The following SUN1 variants were observed in gnomAD, a reference collection of about 807,000 sequenced individuals.
SUN1 encodes Sad1 and UNC84 domain containing 1, also known as SUN domain-containing protein 1.
A neutral mutation model predicts 103.2 loss-of-function variants in SUN1; 61 were observed. The observed-to-expected ratio is 0.59, with a 90% CI of 0.48 to 0.73. The LOEUF (loss-of-function observed/expected upper bound fraction) is 0.73. SUN1 is among the 30% of genes least tolerant of loss of function. SUN1 has a pLI of 0.00. For synonymous variants in SUN1, 490 were observed against 425.7 expected (o/e 1.15, Z -1.86); for missense variants, 1,052 against 1,034.6 (o/e 1.02, Z -0.23).
rs900883627 is a variant in SUN1, at chr7:849,767, C to G, written c.659-1617C>G. ...GCTGCTTAAGCCCTCATCACAGAAGCTCATAGCCACCAGATCGCATTTGCT... is the reference window on the plus strand; with the variant it reads ...GCTGCTTAAGCCCTCATCACAGAAGGTCATAGCCACCAGATCGCATTTGCT... On this transcript the variant is annotated intron_variant, in intron 5 of 18. Coordinates refer to ENST00000401592, the MANE Select transcript of SUN1 (RefSeq NM_001130965.3). 16 of 1,094,308 alleles carry G rather than the reference C, an allele frequency of 1.5e-5. No homozygotes were observed. The Admixed American group carries it at 2.9e-4, about 20-fold the overall frequency. The allele number at this position is 1,094,308 out of a possible 1,614,324, so 67.8% of individuals were successfully genotyped here. A position where few individuals can be genotyped will look rare whatever the true frequency, so the allele number is the denominator to read the frequency against.
At position 864,554 on chromosome 7, in the gene SUN1, C is replaced by CAAAA. The variant is rs551547626; in HGVS notation, c.1865-1382_1865-1379dup. Among the ~76,000 whole-genome samples the CAAAA allele has an allele frequency of 6.3e-5, 6 of 95,192 alleles. No individual in the cohort carries two copies. In the East Asian group the frequency reaches 1.8e-3, roughly 28 times the overall value. 62.4% of individuals were successfully genotyped at this position (95,192 alleles called of 152,430 possible). ...GGGCAACAAGAGCAAAACTTTATCT[C>CAAAA]AAAAAAAAAAAAAAAAAAAGCACAA... On this transcript the variant is annotated intron_variant, in intron 15 of 18. Coordinates refer to ENST00000401592, the MANE Select transcript of SUN1 (RefSeq NM_001130965.3).
chr7:845,070 G>C (rs566617013), intron 5 of SUN1, among the ~76,000 whole-genome samples: 5 of 152,306 alleles, frequency 3.3e-5, no homozygotes, highest in African/African-American at 1.2e-4. Context: ...CTCTACTATG[G>C]CAGAATAAGG....
At chr7:824,630 TAAG>T (rs1040242109) in intron 1 of SUN1, among the ~76,000 whole-genome samples, 1 of 152,164 alleles carries the variant, frequency 6.6e-6, no homozygotes, top group Non-Finnish European at 1.5e-5. Flanking sequence ...GCCCTTATGG[TAAG>T]GAGATGTGTG....
intron 1 of SUN1, among the ~76,000 whole-genome samples, chr7:817,678 A>G (rs889581728): frequency 6.6e-6 from 1 of 152,114 alleles, no homozygotes; most frequent in Non-Finnish European, 1.5e-5. Flanking sequence ...TTTTGTGTGT[A>G]ATCTGTTTTT....
intron 1 of SUN1, among the ~76,000 whole-genome samples, chr7:827,273 G>A (rs573823046): frequency 4.2e-4 from 64 of 152,130 alleles, no homozygotes; most frequent in Middle Eastern, 3.4e-3. Flanking sequence ...CCTCCTGCCC[G>A]CCTTGGCCTC....
intron 5 of SUN1, 74 bp downstream of exon 5, chr7:843,594 G>C: frequency 6.2e-7 from 1 of 1,612,672 alleles, no homozygotes; most frequent in South Asian, 1.1e-5. Flanking sequence ...GTAAGTCTCA[G>C]TGTCTGCACT....
In SUN1 at chr7:874,713, G is replaced by A. The variant is rs1303948223; in HGVS notation, c.*1382G>A. 6.6e-6 allele frequency: 1 copy of A among 152,148 alleles called. No homozygotes were observed. The highest frequency in any genetic ancestry group is 1.5e-5 in the Non-Finnish European group (1 of 68,022). The allele number at this position is 152,148 out of a possible 1,614,324, so 9.4% of individuals were successfully genotyped here. On this transcript the variant is annotated 3_prime_UTR_variant, in exon 19 of 19. Transcript: ENST00000401592. ...AAATCAAAATTTCCTATATAAAACT[G>A]ATTTGGGATTTGGGGTGGAAATATT... is the stretch of plus-strand genomic sequence containing the variant.
chr7:870,830 A>C (rs555962329), intron 17 of SUN1, among the ~76,000 whole-genome samples: 1 of 151,014 alleles, frequency 6.6e-6, no homozygotes, highest in South Asian at 2.1e-4. Flanking sequence ...GGGCAGCAGC[A>C]TGTTGTACGG....
intron 1 of SUN1, among the ~76,000 whole-genome samples, chr7:825,145 A>G (rs183890962): frequency 0.012 from 1,783 of 150,746 alleles, 31 homozygotes; most frequent in African/African-American, 0.041. Flanking sequence ...TGCAAGCTCC[A>G]CCTCCCGGGT....
In SUN1 at chr7:850,120, T is replaced by G; in HGVS notation, c.659-1264T>G. On this transcript the variant is annotated intron_variant, in intron 5 of 18. Transcript: ENST00000401592. ...TGGTTTGTGCTTGGAATTCAAGTGC[T>G]TTAAAGTCTTGCTGTAAAAACTGAC... is the stretch of plus-strand genomic sequence containing the variant. 4.8e-6 allele frequency: 6 copies of G among 1,251,990 alleles called. No individual in the cohort carries two copies. In the South Asian group the frequency reaches 8.1e-5, roughly 17 times the overall value. The allele number at this position is 1,251,990 out of a possible 1,614,324, so 77.6% of individuals were successfully genotyped here.
intron 15 of SUN1, among the ~76,000 whole-genome samples, chr7:864,236 T>C (rs1459428149): frequency 1.3e-5 from 2 of 152,002 alleles, no homozygotes; most frequent in Non-Finnish European, 2.9e-5. Context: ...CAAACAAAAA[T>C]ACTCTAAGTT....
Position 838,902 on chromosome 7 carries a change from C to T in SUN1, c.182C>T (p.Thr61Ile). 6.2e-7 allele frequency: 1 copy of T among 1,611,324 alleles called. No individual in the cohort carries two copies. The highest frequency in any genetic ancestry group is 8.5e-7 in the Non-Finnish European group (1 of 1,179,188). Residue 61 changes from threonine to isoleucine, a missense_variant, in exon 2 of 19, where the codon ACA becomes ATA. Physicochemically the swap from Thr to Ile is moderately conservative, Grantham distance 89. Coordinates refer to ENST00000401592, the MANE Select transcript of SUN1 (RefSeq NM_001130965.3). ...CGCCGTAGTTTGCGCCTGGCCACGA[C>T]AGCATGCACCCTGGGGGATGGTGAG... is the stretch of plus-strand genomic sequence containing the variant. The part of the protein sequence containing the change: ...MSRRSLRLAT[T>I]ACTLGDGEAV...
chr7:850,132 C>A, intron 5 of SUN1: 2 of 1,088,098 alleles, frequency 1.8e-6, no homozygotes, highest in Non-Finnish European at 1.3e-6. Context: ...TAAAGTCTTG[C>A]TGTAAAAACT....
At chr7:853,249 A>G in intron 9 of SUN1, 160 bp from the exon 10 acceptor site, 1 of 851,936 alleles carries the variant, frequency 1.2e-6, no homozygotes, top group Admixed American at 2.6e-5. Context: ...CAGCCATGTA[A>G]GGATCAAACC....
intron 13 of SUN1, 81 bp from the exon 14 acceptor site, chr7:860,047 A>C: frequency 6.6e-7 from 1 of 1,513,598 alleles, no homozygotes; most frequent in Non-Finnish European, 8.9e-7. Context: ...AATTCTTCTG[A>C]GGTATCTAAG....
intron 12 of SUN1, 112 bp downstream of exon 12, chr7:856,513 AC>A: frequency 8.3e-7 from 1 of 1,211,294 alleles, no homozygotes; most frequent in Non-Finnish European, 1.2e-6. Flanking sequence ...CCCGAGGGTC[AC>A]CTGAAGGCCC....
intron 3 of SUN1, 56 bp from the exon 4 acceptor site, chr7:843,150 T>A: frequency 6.3e-7 from 1 of 1,597,676 alleles, no homozygotes; most frequent in African/African-American, 1.4e-5. Context: ...TTGTTCTTAT[T>A]TGATAAGCTG....
At chr7:826,624 G>A (rs1487383683) in intron 1 of SUN1, among the ~76,000 whole-genome samples, 3 of 152,174 alleles carry the variant, frequency 2.0e-5, no homozygotes, top group Admixed American at 2.0e-4. Flanking sequence ...TGAGTCGTAG[G>A]TGTGACTGTT....
At chr7:830,421 A>T (rs4719494), upstream of SUN1, among the ~76,000 whole-genome samples, 146,342 of 152,374 alleles carry the variant, frequency 0.96, 70,342 homozygotes, top group East Asian at 1. Context: ...GAACCCTGTT[A>T]CCTCGTTTCA....
Sources: gnomAD v4.1 joint callset for allele counts (sites outside exome capture counted in the v4.1 genomes callset) on GRCh38, gnomAD v4.1.1 for gene constraint, MANE v1.5 for transcripts, NCBI Gene and HGNC (gene_info 2026-07-23, HGNC 2026-07-21) for gene names.